TRPV1: variants seen among roughly 807,000 people sequenced by gnomAD.
TRPV1 encodes transient receptor potential cation channel subfamily V member 1.
Under a neutral mutation model 82.3 loss-of-function variants are expected in TRPV1, and 82 were observed. The observed-to-expected ratio is 1.00, with a 90% CI of 0.83 to 1.20. TRPV1 has a LOEUF of 1.20. Ranked by LOEUF, TRPV1 falls within the 50% of genes most tolerant of loss-of-function variation. TRPV1 has a pLI of 0.00. For synonymous variants in TRPV1, 515 were observed against 467.7 expected, an observed-to-expected ratio of 1.10 and a Z score of -1.30; for missense variants, 1,067 against 1,096.8, an observed-to-expected ratio of 0.97 and a Z score of 0.38.
At chr17:3,599,249 A>G (rs1342397341) in intron 2 of TRPV1, among the ~76,000 whole-genome samples, 1 of 152,004 alleles carries the variant, frequency 6.6e-6, no homozygotes, top group African/African-American at 2.4e-5. Context: ...CAAAATATAT[A>G]TTTATATATT....
At chr17:3,593,081 CGTGTGTGTGTGTGTGTGTGT>C (rs57419633) in intron 2 of TRPV1, among the ~76,000 whole-genome samples, 2,113 of 112,820 alleles carry the variant, frequency 0.019, 23 homozygotes, top group East Asian at 0.023. Flanking sequence ...AATGTTTAGG[CGTGTGTGTGTGTGTGTGTGT>C]GTGTGTGTGT....
intron 16 of TRPV1, among the ~76,000 whole-genome samples, chr17:3,571,151 G>C (rs2074846892): frequency 6.6e-6 from 1 of 152,230 alleles, no homozygotes; most frequent in African/African-American, 2.4e-5. Context: ...CTCAGAGCTA[G>C]GACGTCGCAT....
chr17:3,579,793 A>G (rs926643569), intron 11 of TRPV1, among the ~76,000 whole-genome samples: 2 of 152,084 alleles, frequency 1.3e-5, no homozygotes, highest in Non-Finnish European at 2.9e-5. Context: ...CTGTTCTATA[A>G]CTGTGCTTTC....
At chr17:3,568,195 G>A (rs538596401) in intron 16 of TRPV1, among the ~76,000 whole-genome samples, 14 of 151,630 alleles carry the variant, frequency 9.2e-5, no homozygotes, top group African/African-American at 2.7e-4. Context: ...AGTGGCGGGC[G>A]CCTGTAGTCC....
At chr17:3,602,664 G>A (rs2075271483) in intron 2 of TRPV1, among the ~76,000 whole-genome samples, 1 of 152,174 alleles carries the variant, frequency 6.6e-6, no homozygotes, top group Non-Finnish European at 1.5e-5. Context: ...ATCTGGAATG[G>A]CAGATGCTAA....
intron 6 of TRPV1, 68 bp from the exon 7 acceptor site, chr17:3,590,173 C>G (rs1220747590): frequency 6.3e-7 from 1 of 1,588,194 alleles, no homozygotes; most frequent in East Asian, 2.2e-5. Flanking sequence ...CCACCGGCCT[C>G]CAAACTCCCT....
At chr17:3,572,953 A>T (rs1300987537) in intron 14 of TRPV1, among the ~76,000 whole-genome samples, 1 of 133,734 alleles carries the variant, frequency 7.5e-6, no homozygotes, top group Non-Finnish European at 1.5e-5. Context: ...AATGCACTCC[A>T]GCCTGGGTGA....
chr17:3,568,761 G>A (rs767403243), intron 16 of TRPV1, among the ~76,000 whole-genome samples: 10 of 152,074 alleles, frequency 6.6e-5, no homozygotes, highest in African/African-American at 2.4e-4. Context: ...TTAAAAAAAG[G>A]CAAGGCACGG....
chr17:3,596,617 G>C (rs1167884028), intron 2 of TRPV1, among the ~76,000 whole-genome samples: 1 of 152,164 alleles, frequency 6.6e-6, no homozygotes, highest in Non-Finnish European at 1.5e-5. Context: ...CCCCGAGGAC[G>C]GCTGATGCAG....
At chr17:3,584,250 C>T (rs2075055276) in intron 9 of TRPV1, among the ~76,000 whole-genome samples, 3 of 150,354 alleles carry the variant, frequency 2.0e-5, no homozygotes, top group African/African-American at 7.4e-5. Flanking sequence ...GGCAACAGAG[C>T]GAGACTCTGT....
At chr17:3,589,442 T>C (rs897332972) in intron 7 of TRPV1, among the ~76,000 whole-genome samples, 1 of 152,058 alleles carries the variant, frequency 6.6e-6, no homozygotes, top group Admixed American at 6.6e-5. Flanking sequence ...CCTCAGGTGA[T>C]CCACCCACGT....
chr17:3,571,397 C>G (rs912917462), intron 16 of TRPV1, 127 bp downstream of exon 16: 4 of 688,414 alleles, frequency 5.8e-6, no homozygotes, highest in Non-Finnish European at 9.9e-6. Flanking sequence ...ACGTCAGGAG[C>G]TGCCACAGCG....
At chr17:3,586,047 G>C in intron 8 of TRPV1, 121 bp from the exon 9 acceptor site, 19 of 1,318,110 alleles carry the variant, frequency 1.4e-5, no homozygotes, top group Non-Finnish European at 2.0e-5. Context: ...CACGGAGCAG[G>C]TGAGATGGGA....
chr17:3,603,272 T>C (rs1420663634), intron 2 of TRPV1, among the ~76,000 whole-genome samples: 4 of 152,048 alleles, frequency 2.6e-5, no homozygotes, highest in Non-Finnish European at 5.9e-5. Flanking sequence ...CCTCCAGAAG[T>C]GGCTAGAGCT....
chr17:3,582,016 C>G (rs1468131439), intron 10 of TRPV1, among the ~76,000 whole-genome samples: 1 of 147,296 alleles, frequency 6.8e-6, no homozygotes, highest in African/African-American at 2.5e-5. Flanking sequence ...CGGTGAAACC[C>G]CGTCTCTACT....
intron 3 of TRPV1, 119 bp from the exon 4 acceptor site, chr17:3,591,472 T>C (rs1477238120): frequency 8.3e-7 from 1 of 1,197,986 alleles, no homozygotes; most frequent in Non-Finnish European, 1.1e-6. Flanking sequence ...GGAAAAATGA[T>C]ATAAAAGCTG....
At position 3,566,329 on chromosome 17, in the gene TRPV1, A is replaced by T. The variant is rs58868916; in HGVS notation, c.*486T>A. On this transcript the variant is annotated 3_prime_UTR_variant, in exon 17 of 17. Transcript: ENST00000572705. ...AACATGGCGAAACCCCATATCTATT[A>T]AAAAAATACAAAAAATTAGCCAGAC... 13,339 of 152,430 alleles carry T rather than the reference A, an allele frequency of 0.088. 1,915 individuals carry two copies. Among genetic ancestry groups the T allele is most frequent in the African/African-American group, 0.3 (12,541 of 41,430 alleles). The allele number at this position is 152,430 out of a possible 1,614,324, so 9.4% of individuals were successfully genotyped here.
chr17:3,576,668 A>AAATATAT, intron 13 of TRPV1, among the ~76,000 whole-genome samples: 2 of 38,418 alleles, frequency 5.2e-5, no homozygotes, highest in African/African-American at 7.3e-5. Flanking sequence ...AAAAAAAAAA[A>AAATATAT]ATATATATAT....
At chr17:3,572,078 C>T in intron 15 of TRPV1, 44 bp downstream of exon 15, 1 of 1,599,662 alleles carries the variant, frequency 6.3e-7, no homozygotes, top group Non-Finnish European at 8.5e-7. Flanking sequence ...ACAGGTGAGC[C>T]CCAAAGCTCC....
Sources: gnomAD v4.1 joint callset for allele counts (sites outside exome capture counted in the v4.1 genomes callset) on GRCh38, gnomAD v4.1.1 for gene constraint, MANE v1.5 for transcripts, NCBI Gene and HGNC (gene_info 2026-07-23, HGNC 2026-07-21) for gene names.